Variants in LYRM4 observed in about 807,000 individuals in gnomAD.
LYRM4 encodes the protein LYR motif containing 4.
LYRM4 carries 9 observed loss-of-function variants against 11.7 expected under a neutral mutation model. The ratio of observed to expected loss-of-function variants is 0.77; its 90% CI spans 0.46 to 1.34. The LOEUF is 1.34. Ranked by LOEUF, LYRM4 falls within the 40% of genes most tolerant of loss-of-function variation. The probability of loss-of-function intolerance (pLI) is 0.00; values close to 1 mark genes in which losing one functional copy is unlikely to be tolerated. For synonymous variants in LYRM4, 42 were observed against 40.4 expected (o/e 1.04, Z -0.15); for missense variants, 133 against 112.5 (o/e 1.18, Z -0.82).
rs533897482 is a variant in LYRM4 at position 5,141,548 on chromosome 6, A to G, written c.208-32057T>C. 4.0e-4 allele frequency among the ~76,000 whole-genome samples: 61 copies of G among 152,370 alleles called. 1 individual carries two copies. Among genetic ancestry groups the G allele is most frequent in the African/African-American group, 1.3e-3 (56 of 41,592 alleles). ...CTGGTGTGGATGAAGGAACCTCATT[A>G]TATCAAAACGCATACTAACATCAAA... On this transcript the variant is annotated intron_variant, in intron 2 of 2. Transcript: ENST00000330636.
chr6:5,084,381 A>G, the LYRM4 span, among the ~76,000 whole-genome samples: 1 of 152,070 alleles, frequency 6.6e-6, no homozygotes, highest in Non-Finnish European at 1.5e-5. Flanking sequence ...GGCGCGGGCC[A>G]CGCCCCCACT....
chr6:5,183,545 G>A (rs2773287), intron 2 of LYRM4, among the ~76,000 whole-genome samples: 48,381 of 151,974 alleles, frequency 0.32, 8,452 homozygotes, highest in African/African-American at 0.48. Context: ...AAAATTTCTG[G>A]AGAATAAGCT....
At chr6:5,226,784 A>G (rs546722262) in intron 1 of LYRM4, among the ~76,000 whole-genome samples, 4 of 152,362 alleles carry the variant, frequency 2.6e-5, no homozygotes, top group Admixed American at 2.6e-4. Flanking sequence ...ACAGCATGTT[A>G]ACAATAATTA....
the LYRM4 span, among the ~76,000 whole-genome samples, chr6:5,050,032 G>T: frequency 1.3e-5 from 2 of 152,212 alleles, no homozygotes; most frequent in Non-Finnish European, 2.9e-5. Context: ...TCCAAATCCT[G>T]CACTAAGAAG....
the LYRM4 span, among the ~76,000 whole-genome samples, chr6:5,051,135 G>T: frequency 6.6e-6 from 1 of 152,154 alleles, no homozygotes; most frequent in African/African-American, 2.4e-5. Context: ...GGACTTGAAG[G>T]CCAAAAAGAT....
the LYRM4 span, among the ~76,000 whole-genome samples, chr6:5,083,221 G>A: frequency 2.0e-5 from 3 of 152,186 alleles, no homozygotes; most frequent in Non-Finnish European, 4.4e-5. Context: ...CCAAAGGGTC[G>A]CCACCACCTC....
intron 2 of LYRM4, among the ~76,000 whole-genome samples, chr6:5,187,177 G>A (rs1197456687): frequency 1.3e-5 from 2 of 152,178 alleles, no homozygotes; most frequent in African/African-American, 2.4e-5. Flanking sequence ...TACCTTTCAT[G>A]TTCTGTGTTG....
At chr6:5,197,276 T>C (rs962150094) in intron 2 of LYRM4, among the ~76,000 whole-genome samples, 7 of 152,116 alleles carry the variant, frequency 4.6e-5, no homozygotes, top group South Asian at 2.1e-4. Context: ...ACTGAGTTGG[T>C]TGAAGGGGGG....
At chr6:5,087,324 A>T in the LYRM4 span, 1 of 152,182 alleles carries the variant, frequency 6.6e-6, no homozygotes, top group Admixed American at 6.5e-5. Context: ...ACAATCCTTA[A>T]ACAACAGCCT....
chr6:5,196,312 C>T (rs1298317062), intron 2 of LYRM4, among the ~76,000 whole-genome samples: 1 of 152,204 alleles, frequency 6.6e-6, no homozygotes, highest in Non-Finnish European at 1.5e-5. Flanking sequence ...AAGCCCAACA[C>T]CCTACTGCCT....
chr6:5,042,067 A>G, the LYRM4 span, among the ~76,000 whole-genome samples: 1 of 152,080 alleles, frequency 6.6e-6, no homozygotes, highest in Admixed American at 6.5e-5. Flanking sequence ...AATTGTATGA[A>G]CTCTACTCTG....
At chr6:5,083,795 T>C in the LYRM4 span, among the ~76,000 whole-genome samples, 2 of 152,250 alleles carry the variant, frequency 1.3e-5, no homozygotes. Context: ...TGACATGTTT[T>C]AGTTATGAAG....
At chr6:5,167,507 C>A (rs1262783913) in intron 2 of LYRM4, among the ~76,000 whole-genome samples, 1 of 152,164 alleles carries the variant, frequency 6.6e-6, no homozygotes, top group Admixed American at 6.5e-5. Context: ...TCTTATTTTG[C>A]CTTTTTAACA....
chr6:5,036,037 A>T, the LYRM4 span, among the ~76,000 whole-genome samples: 1 of 130,918 alleles, frequency 7.6e-6, no homozygotes, highest in African/African-American at 2.6e-5. Context: ...TATTCATTTT[A>T]CCTAACTGAA....
chr6:5,260,865 G>A lies in LYRM4; in HGVS notation c.-132C>T, dbSNP rs1165596430. On this transcript the variant is annotated 5_prime_UTR_variant, in exon 1 of 3. Coordinates refer to ENST00000330636, the MANE Select transcript of LYRM4 (RefSeq NM_020408.6). ...GCGGCTCGGCTTTGCCAGCGGGCCGGGCCTAAGCCTAAGCGGGCAGCCCTG... is the reference window on the plus strand; with the variant it reads ...GCGGCTCGGCTTTGCCAGCGGGCCGAGCCTAAGCCTAAGCGGGCAGCCCTG... 2.0e-6 allele frequency: 3 copies of A among 1,466,894 alleles called. No individual in the cohort carries two copies. The highest frequency in any genetic ancestry group is 2.4e-5 in the Admixed American group (1 of 41,972). 90.9% of individuals were successfully genotyped at this position (1,466,894 alleles called of 1,614,324 possible).
intron 2 of LYRM4, among the ~76,000 whole-genome samples, chr6:5,206,415 G>T (rs569676645): frequency 3.3e-5 from 5 of 152,268 alleles, no homozygotes; most frequent in Admixed American, 3.3e-4. Flanking sequence ...ATTCCGAAAT[G>T]CACTCACTTA....
At chr6:5,239,167 G>T (rs893810860) in intron 1 of LYRM4, among the ~76,000 whole-genome samples, 2 of 152,168 alleles carry the variant, frequency 1.3e-5, no homozygotes, top group African/African-American at 4.8e-5. Flanking sequence ...CAATCAACTC[G>T]TGAGACATAA....
At chr6:5,100,071 G>C (rs1762452551), downstream of LYRM4, among the ~76,000 whole-genome samples, 1 of 152,158 alleles carries the variant, frequency 6.6e-6, no homozygotes, top group Non-Finnish European at 1.5e-5. Context: ...TCTTCTGCAG[G>C]ACTCAGCAGG....
chr6:5,230,251 T>C (rs17139843), intron 1 of LYRM4, among the ~76,000 whole-genome samples: 1 of 152,204 alleles, frequency 6.6e-6, no homozygotes, highest in Non-Finnish European at 1.5e-5. Context: ...GATGACCACA[T>C]GCTTCATTTG....
Sources: allele counts gnomAD v4.1 joint callset (sites outside exome capture counted in the v4.1 genomes callset), GRCh38; gene constraint gnomAD v4.1.1; transcripts MANE v1.5; gene names NCBI Gene and HGNC (gene_info 2026-07-23, HGNC 2026-07-21).